Variants in RANBP2 observed in about 807,000 individuals in gnomAD.
RANBP2 encodes RAN binding protein 2, also known as E3 SUMO-protein ligase RanBP2.
Under a neutral mutation model 303.6 loss-of-function variants are expected in RANBP2, and 57 were observed. That is an observed-to-expected ratio of 0.19 (90% CI 0.15 to 0.23). RANBP2 has a LOEUF of 0.23. RANBP2 is among the 10% of genes least tolerant of loss of function. RANBP2 has a pLI of 1.00. For missense variants in RANBP2, 3,138 were observed against 3,780.8 expected (o/e 0.83, Z 4.46); for synonymous variants, 1,167 against 1,301.5 (o/e 0.90, Z 2.23).
chr2:109,527,774 C>T, the RANBP2 span, among the ~76,000 whole-genome samples: 1 of 152,164 alleles, frequency 6.6e-6, no homozygotes, highest in Admixed American at 6.5e-5. Context: ...ATGTGGCTGA[C>T]AGGTCGCCAA....
the RANBP2 span, among the ~76,000 whole-genome samples, chr2:109,033,404 C>A: frequency 4.6e-5 from 7 of 152,262 alleles, no homozygotes; most frequent in East Asian, 1.2e-3. Flanking sequence ...CCTGCCGCTC[C>A]CTGCACAGAA....
At chr2:109,588,231 T>C in the RANBP2 span, among the ~76,000 whole-genome samples, 1 of 151,936 alleles carries the variant, frequency 6.6e-6, no homozygotes, top group Admixed American at 6.6e-5. Flanking sequence ...TGGCCCACAG[T>C]ATAAAAAATG....
the RANBP2 span, among the ~76,000 whole-genome samples, chr2:108,926,956 C>T: frequency 6.6e-6 from 1 of 152,232 alleles, no homozygotes; most frequent in South Asian, 2.1e-4. Context: ...GGAAGTGGGG[C>T]CTCCAGGGTC....
chr2:109,152,970 CATT>C, the RANBP2 span, among the ~76,000 whole-genome samples: 23 of 152,306 alleles, frequency 1.5e-4, 1 homozygote, highest in African/African-American at 4.8e-4. Flanking sequence ...AGTGTGAAGT[CATT>C]GTTGTTATGA....
the RANBP2 span, among the ~76,000 whole-genome samples, chr2:109,024,409 G>C: frequency 6.6e-6 from 1 of 152,174 alleles, no homozygotes; most frequent in Non-Finnish European, 1.5e-5. Flanking sequence ...ATCTTTTCAC[G>C]GCTACTGTCG....
the RANBP2 span, chr2:109,614,524 CGCTGGGCCCCGAGGCGGT>C: frequency 1.3e-5 from 16 of 1,270,136 alleles, no homozygotes; most frequent in Non-Finnish European, 3.9e-6. Context: ...CCCGAGGCGG[CGCTGGGCCCCGAGGCGGT>C]GCTGCGCTTC....
the RANBP2 span, among the ~76,000 whole-genome samples, chr2:109,136,266 A>G: frequency 1.3e-5 from 2 of 152,126 alleles, no homozygotes; most frequent in Non-Finnish European, 2.9e-5. Flanking sequence ...TGCTGGGGGA[A>G]ATGCTCTTGA....
At chr2:109,629,168 C>T in the RANBP2 span, among the ~76,000 whole-genome samples, 22 of 150,186 alleles carry the variant, frequency 1.5e-4, no homozygotes, top group Non-Finnish European at 1.6e-4. Context: ...TGCCACTGCA[C>T]TCTGGCCTGG....
chr2:108,763,133 C>T, intron 19 of RANBP2, 104 bp from the exon 20 acceptor site: 3 of 1,284,768 alleles, frequency 2.3e-6, no homozygotes, highest in Non-Finnish European at 3.3e-6. Context: ...ATGAGATCTT[C>T]TTCACTTCAT....
chr2:109,484,067 CTTTT>C, the RANBP2 span, among the ~76,000 whole-genome samples: 409 of 94,318 alleles, frequency 4.3e-3, 2 homozygotes, highest in Middle Eastern at 0.01. Flanking sequence ...TCTGGCCTTT[CTTTT>C]TTTTTTTTTT....
chr2:109,573,019 G>T, the RANBP2 span, among the ~76,000 whole-genome samples: 4 of 152,276 alleles, frequency 2.6e-5, no homozygotes, highest in East Asian at 5.8e-4. Flanking sequence ...ATTTGGAAAA[G>T]ATTAGATAAT....
rs537822339 is a variant in RANBP2, at chr2:108,763,243, G to T, written c.2704G>T (p.Val902Phe). Residue 902 changes from valine (V) to phenylalanine (F), a missense_variant, in exon 20 of 29, where the codon GTC becomes TTC. This residue lies in a region of RANBP2 where 403 missense variants were observed against 376.7 expected (regional missense o/e 1.07). Transcript: ENST00000283195. ...TTAACTTTCTGTCTTTTAGGGCCCA[G>T]TCTATGGCATGAATAGGCTTCCACC... ...AANVTPTKGP[V>F]YGMNRLPPQQ... The T allele has an allele frequency of 6.2e-6, 10 of 1,613,618 alleles. No homozygotes were observed. Among genetic ancestry groups the T allele is most frequent in the Non-Finnish European group, 7.6e-6 (9 of 1,179,916 alleles).
chr2:109,213,361 T>C, the RANBP2 span, among the ~76,000 whole-genome samples: 20 of 152,192 alleles, frequency 1.3e-4, no homozygotes, highest in Non-Finnish European at 2.6e-4. Context: ...CAGTGATAAC[T>C]GCTGGGTGAC....
chr2:109,359,567 G>A, the RANBP2 span, among the ~76,000 whole-genome samples: 5 of 152,078 alleles, frequency 3.3e-5, no homozygotes, highest in African/African-American at 1.2e-4. Flanking sequence ...AATGTAAATT[G>A]TATCATGTTT....
chr2:109,508,363 AAAAAC>A, the RANBP2 span, among the ~76,000 whole-genome samples: 1 of 152,178 alleles, frequency 6.6e-6, no homozygotes, highest in African/African-American at 2.4e-5. Flanking sequence ...AGCTATTGGC[AAAAAC>A]AAAAGGAGCT....
the RANBP2 span, among the ~76,000 whole-genome samples, chr2:109,373,325 AG>A: frequency 6.6e-6 from 1 of 152,236 alleles, no homozygotes; most frequent in Non-Finnish European, 1.5e-5. Flanking sequence ...TTCTCCAGGC[AG>A]AATCTTACTG....
chr2:109,078,770 CAGG>C, the RANBP2 span, among the ~76,000 whole-genome samples: 3 of 147,544 alleles, frequency 2.0e-5, no homozygotes, highest in Non-Finnish European at 4.5e-5. Context: ...ATCACGAGGT[CAGG>C]AGATCGAGAC....
chr2:109,522,370 C>T, the RANBP2 span, among the ~76,000 whole-genome samples: 208 of 151,846 alleles, frequency 1.4e-3, no homozygotes, highest in African/African-American at 4.2e-3. Context: ...CGGCTCACTG[C>T]AACCTCTGCC....
At chr2:108,813,207 C>A in the RANBP2 span, among the ~76,000 whole-genome samples, 1 of 138,492 alleles carries the variant, frequency 7.2e-6, no homozygotes, top group African/African-American at 2.8e-5. Flanking sequence ...CGAGATTGCA[C>A]CACTGCACTC....
Sources: allele counts gnomAD v4.1 joint callset (sites outside exome capture counted in the v4.1 genomes callset), GRCh38; gene constraint gnomAD v4.1.1; regional missense constraint gnomAD v4.1.1; transcripts MANE v1.5; gene names NCBI Gene and HGNC (gene_info 2026-07-23, HGNC 2026-07-21).